The following ZNF782 variants were observed in gnomAD, a reference collection of about 807,000 sequenced individuals.
The protein encoded by ZNF782 is zinc finger protein 782.
In ZNF782, 12 loss-of-function variants were observed where a neutral mutation model predicts 13.0. That is an observed-to-expected ratio of 0.92 (90% CI 0.59 to 1.50). The LOEUF is 1.50. Among genes scored for constraint, ZNF782 ranks in the 40% most tolerant of loss-of-function variants. The pLI, the probability that ZNF782 is intolerant of heterozygous loss-of-function variation, is 0.00. For synonymous variants in ZNF782, 284 were observed against 283.0 expected (o/e 1.00, Z -0.04); for missense variants, 770 against 822.9 (o/e 0.94, Z 0.79).
chr9:96,835,210 T>A (rs944048317), intron 4 of ZNF782, among the ~76,000 whole-genome samples: 1 of 152,196 alleles, frequency 6.6e-6, no homozygotes. Context: ...AGAAGTGGCA[T>A]GGTTACTTTT....
In ZNF782 at chr9:96,827,135, T is replaced by G. The variant is rs1850650984; in HGVS notation, c.189A>C (p.Gly63=). ...KPELIFTLEQ[G]EDPWLLEKEK... Reference sequence around the variant, plus strand: ...CTTTCTCTAATAACCATGGATCTTCTCCTTGTTCCAATGTGAAGATCAGTT... The same window carrying G: ...CTTTCTCTAATAACCATGGATCTTCGCCTTGTTCCAATGTGAAGATCAGTT... The change falls in exon 5 of 6, where the codon GGA becomes GGC. Residue 63 remains glycine, a synonymous_variant. Transcript: ENST00000481138. 6.2e-7 allele frequency: 1 copy of G among 1,612,814 alleles called. No individual in the cohort carries two copies. The highest frequency in any genetic ancestry group is 2.2e-5 in the East Asian group (1 of 44,856).
rs1420210709 is a variant in ZNF782, at chr9:96,818,226, G to C, written c.1797C>G (p.Phe599Leu). 6.2e-7 allele frequency: 1 copy of C among 1,613,770 alleles called. No individual in the cohort carries two copies. Among genetic ancestry groups the C allele is most frequent in the Non-Finnish European group, 8.5e-7 (1 of 1,179,932 alleles). ...GCCCTCTGAGATTTGATTTCTGCCT[G>C]AATGTTTTTCCACACTCCTCACATT... ...PYQCEECGKT[F>L]RQKSNLRGHQ... is the part of the protein sequence containing the mutation. The change falls in exon 6 of 6, where the codon TTC becomes TTG. Residue 599 changes from phenylalanine to leucine, a missense_variant. Transcript: ENST00000481138.
At chr9:96,875,591 C>T (rs1439127086) in exon 1 of ZNF782, 1 of 456,700 alleles carries the variant, frequency 2.2e-6, no homozygotes, top group Non-Finnish European at 4.4e-6. Flanking sequence ...TCCTCTGCCG[C>T]CGCGGGCATG....
At chr9:96,933,433 C>G in the ZNF782 span, 1 of 150,652 alleles carries the variant, frequency 6.6e-6, no homozygotes, top group African/African-American at 2.5e-5. Context: ...TGCAATGGTG[C>G]GATCTTGGCT....
At chr9:96,906,672 G>A in the ZNF782 span, among the ~76,000 whole-genome samples, 7 of 152,122 alleles carry the variant, frequency 4.6e-5, no homozygotes, top group Admixed American at 4.6e-4. Flanking sequence ...CCACCCTCCA[G>A]GAACTTTCAT....
chr9:96,912,942 C>G, the ZNF782 span, among the ~76,000 whole-genome samples: 1 of 151,562 alleles, frequency 6.6e-6, no homozygotes, highest in Non-Finnish European at 1.5e-5. Context: ...CTGAGTTGTT[C>G]TTAAAAAAAT....
At chr9:96,917,524 C>T in the ZNF782 span, among the ~76,000 whole-genome samples, 4 of 151,666 alleles carry the variant, frequency 2.6e-5, no homozygotes, top group Admixed American at 6.6e-5. Context: ...CTCTGCCTCC[C>T]GGGTTCAAGT....
chr9:96,822,804 A>G (rs1375724351), intron 5 of ZNF782, among the ~76,000 whole-genome samples: 1 of 152,152 alleles, frequency 6.6e-6, no homozygotes, highest in Admixed American at 6.5e-5. Flanking sequence ...TGGATATTAG[A>G]CAATTTTGAT....
At chr9:96,860,770 C>T (rs550498581) in intron 2 of ZNF782, among the ~76,000 whole-genome samples, 89 of 152,242 alleles carry the variant, frequency 5.8e-4, no homozygotes, top group Admixed American at 1.4e-3. Context: ...GAATAGAAAA[C>T]CCAGAAACCG....
At chr9:96,873,663 G>A (rs1028353644) in intron 1 of ZNF782, among the ~76,000 whole-genome samples, 8 of 152,326 alleles carry the variant, frequency 5.3e-5, no homozygotes, top group Non-Finnish European at 7.3e-5. Flanking sequence ...GCATGCCTGC[G>A]CTCCACCCTG....
chr9:96,817,900 T>C lies in ZNF782; in HGVS notation c.*23A>G. On this transcript the variant is annotated 3_prime_UTR_variant, in exon 6 of 6. Coordinates refer to ENST00000481138, the MANE Select transcript of ZNF782 (RefSeq NM_001001662.3). ...GTTTGATTTCCAGCTCAGAGTTTTT[T>C]CGTATTCTTTATATGCATACATTTA... The C allele has an allele frequency of 2.0e-6, 3 of 1,521,262 alleles. No individual in the cohort carries two copies. Among genetic ancestry groups the C allele is most frequent in the Non-Finnish European group, 2.6e-6 (3 of 1,138,750 alleles). The allele number at this position is 1,521,262 out of a possible 1,614,324, so 94.2% of individuals were successfully genotyped here.
At chr9:96,854,911 A>T (rs539439376), upstream of ZNF782, among the ~76,000 whole-genome samples, 1,108 of 151,312 alleles carry the variant, frequency 7.3e-3, 17 homozygotes, top group African/African-American at 0.025. Context: ...TTTTGTAGAA[A>T]TTTTTTTTTT....
the ZNF782 span, among the ~76,000 whole-genome samples, chr9:96,927,372 G>A: frequency 6.6e-6 from 1 of 151,800 alleles, no homozygotes; most frequent in South Asian, 2.1e-4. Context: ...GAAAAAGACG[G>A]TGTTCTGCTC....
upstream of ZNF782, among the ~76,000 whole-genome samples, chr9:96,878,115 C>G (rs1851916618): frequency 6.6e-6 from 1 of 152,340 alleles, no homozygotes; most frequent in Middle Eastern, 3.4e-3. Context: ...ATGCTGCGAT[C>G]TCAGCTCACT....
chr9:96,879,239 A>G (rs1048840246), upstream of ZNF782, among the ~76,000 whole-genome samples: 1 of 152,276 alleles, frequency 6.6e-6, no homozygotes, highest in African/African-American at 2.4e-5. Context: ...CTATAATCCC[A>G]GCACTTTGGG....
intron 1 of ZNF782, among the ~76,000 whole-genome samples, chr9:96,867,600 C>G (rs564859226): frequency 6.6e-6 from 1 of 152,212 alleles, no homozygotes; most frequent in Non-Finnish European, 1.5e-5. Context: ...TCTCTTTGAT[C>G]TTTCCGCTTT....
At chr9:96,885,865 A>G in the ZNF782 span, among the ~76,000 whole-genome samples, 1 of 151,484 alleles carries the variant, frequency 6.6e-6, no homozygotes, top group Non-Finnish European at 1.5e-5. Context: ...TTTCTTAGAC[A>G]GAGACAGAGT....
the ZNF782 span, among the ~76,000 whole-genome samples, chr9:96,898,364 C>T: frequency 1.4e-5 from 2 of 147,804 alleles, no homozygotes; most frequent in Non-Finnish European, 2.9e-5. Flanking sequence ...ATGAATTTAC[C>T]TATCTTGGAC....
the ZNF782 span, chr9:96,887,738 A>T: frequency 6.6e-6 from 1 of 152,184 alleles, no homozygotes; most frequent in African/African-American, 2.4e-5. Flanking sequence ...TTGCAGCGCT[A>T]TTCACAATAG....
Sources: gnomAD v4.1 joint callset for allele counts (sites outside exome capture counted in the v4.1 genomes callset) on GRCh38, gnomAD v4.1.1 for gene constraint, MANE v1.5 for transcripts, NCBI Gene and HGNC (gene_info 2026-07-23, HGNC 2026-07-21) for gene names.